GPR137B: variants seen among roughly 807,000 people sequenced by gnomAD.
GPR137B encodes G protein-coupled receptor 137B.
Under a neutral mutation model 42.5 loss-of-function variants are expected in GPR137B, and 42 were observed. That is an observed-to-expected ratio of 0.99 (90% CI 0.77 to 1.28). GPR137B has a LOEUF of 1.28. GPR137B is among the 50% of genes most tolerant of loss of function. The pLI, the probability that GPR137B is intolerant of heterozygous loss-of-function variation, is 0.00. For missense variants in GPR137B, 487 were observed against 493.9 expected, an observed-to-expected ratio of 0.99 and a Z score of 0.13; for synonymous variants, 218 against 209.7, an observed-to-expected ratio of 1.04 and a Z score of -0.34.
chr1:236,156,154 C>T lies in GPR137B; in HGVS notation c.415-12552C>T, dbSNP rs897871221. On this transcript the variant is annotated intron_variant, in intron 1 of 6. Transcript: ENST00000366592. The surrounding 1 kb of genome is among the most constrained non-coding windows in gnomAD (Gnocchi z 4.8). ...AGCAATTATGGTTGGCTTCTGATCA[C>T]GTGGGAAGAAGCTCACTGAAGTCTG... Among the ~76,000 whole-genome samples the T allele has an allele frequency of 2.0e-5, 3 of 152,170 alleles. No individual in the cohort carries two copies. Among genetic ancestry groups the T allele is most frequent in the Non-Finnish European group, 4.4e-5 (3 of 68,030 alleles).
chr1:236,157,444 T>C (rs985655657), intron 1 of GPR137B, among the ~76,000 whole-genome samples: 2 of 152,224 alleles, frequency 1.3e-5, no homozygotes, highest in African/African-American at 2.4e-5. Flanking sequence ...AGGATGGTCT[T>C]GATCTCCTGA....
chr1:236,185,132 A>G (rs1662987527), intron 5 of GPR137B, among the ~76,000 whole-genome samples: 1 of 152,192 alleles, frequency 6.6e-6, no homozygotes, highest in African/African-American at 2.4e-5. Context: ...TTTTGAGAAG[A>G]AATTATATTC....
chr1:236,191,535 A>T (rs980909801), intron 5 of GPR137B, among the ~76,000 whole-genome samples: 3 of 152,012 alleles, frequency 2.0e-5, no homozygotes, highest in African/African-American at 7.2e-5. Flanking sequence ...CTGAGTGGAC[A>T]TGCTCTTCCT....
Position 236,179,992 on chromosome 1 carries a change from T to C in GPR137B, c.801T>C (p.His267=). The C allele has an allele frequency of 6.2e-7, 1 of 1,613,812 alleles. No individual in the cohort carries two copies. Among genetic ancestry groups the C allele is most frequent in the Non-Finnish European group, 8.5e-7 (1 of 1,179,744 alleles). Reference sequence around the variant, plus strand: ...CATTTTCTCAGAACAAGAGCGTCCATTCCTTTGATTATGACTGGTACAATG... The same window carrying C: ...CATTTTCTCAGAACAAGAGCGTCCACTCCTTTGATTATGACTGGTACAATG... ...ILSFSQNKSV[H]SFDYDWYNVS... is the part of the protein sequence containing the mutation. Residue 267 remains histidine, a synonymous_variant, in exon 4 of 7, where the codon CAT becomes CAC. Coordinates refer to ENST00000366592, the MANE Select transcript of GPR137B (RefSeq NM_003272.4).
In GPR137B at chr1:236,208,688, T is replaced by C; in HGVS notation, c.*530T>C. ...AACTTAGCCAATTGCAACTCCAGTG[T>C]TGATAATTAAAATGAAATGGTAAAG... On this transcript the variant is annotated 3_prime_UTR_variant, in exon 7 of 7. Transcript: ENST00000366592. 1.0e-6 allele frequency: 1 copy of C among 985,480 alleles called. No homozygotes were observed. Among genetic ancestry groups the C allele is most frequent in the Non-Finnish European group, 1.2e-6 (1 of 829,638 alleles). The allele number at this position is 985,480 out of a possible 1,614,324, so 61.0% of individuals were successfully genotyped here. A position where few individuals can be genotyped will look rare whatever the true frequency, so the allele number is the denominator to read the frequency against.
At chr1:236,149,003 CGT>C (rs1304974957) in intron 1 of GPR137B, among the ~76,000 whole-genome samples, 1 of 152,056 alleles carries the variant, frequency 6.6e-6, no homozygotes, top group African/African-American at 2.4e-5. Flanking sequence ...AAGGAGATGC[CGT>C]GTGTCCTGAA....
intron 5 of GPR137B, among the ~76,000 whole-genome samples, chr1:236,186,954 A>C (rs892668962): frequency 2.0e-5 from 3 of 152,188 alleles, no homozygotes; most frequent in Non-Finnish European, 4.4e-5. Flanking sequence ...GAACTAATTT[A>C]CACTACCACC....
At chr1:236,176,761 C>T (rs904204886) in intron 2 of GPR137B, among the ~76,000 whole-genome samples, 1 of 152,116 alleles carries the variant, frequency 6.6e-6, no homozygotes, top group African/African-American at 2.4e-5. Flanking sequence ...TCCCTCCCTC[C>T]CTCTTAAACC....
In GPR137B at chr1:236,150,205, G is replaced by A. The variant is rs1244201626; in HGVS notation, c.414+7169G>A. On this transcript the variant is annotated intron_variant, in intron 1 of 6. Coordinates refer to ENST00000366592, the MANE Select transcript of GPR137B (RefSeq NM_003272.4). The surrounding 1 kb of genome is among the most constrained non-coding windows in gnomAD (Gnocchi z 6.2). ...TTTGTGTGTGTCTGTGTGCCTGTGT[G>A]TGTGTCTGTGCCTGTGTGTGCCTGT... 2.7e-5 allele frequency among the ~76,000 whole-genome samples: 4 copies of A among 150,348 alleles called. No homozygotes were observed. Among genetic ancestry groups the A allele is most frequent in the African/African-American group, 9.8e-5 (4 of 40,706 alleles).
At chr1:236,189,204 C>T (rs901283748) in intron 5 of GPR137B, among the ~76,000 whole-genome samples, 4 of 151,986 alleles carry the variant, frequency 2.6e-5, no homozygotes, top group South Asian at 2.1e-4. Flanking sequence ...TTTGATTCTT[C>T]TCTCTTTTCT....
Position 236,155,561 on chromosome 1 carries a change from C to A in GPR137B, c.414+12525C>A, listed in dbSNP as rs75690013. ...TGCTCTCTAGAGTCCCGTCTCCTCG[C>A]GGGCTGCCTGCTGGGCTGACTTATC... On this transcript the variant is annotated intron_variant, in intron 1 of 6. Transcript: ENST00000366592. This position sits in a 1 kb window ranked among gnomAD's most constrained non-coding sequence, Gnocchi z 4.6. Among the ~76,000 whole-genome samples the A allele has an allele frequency of 6.6e-6, 1 of 152,032 alleles. No homozygotes were observed. The highest frequency in any genetic ancestry group is 1.5e-5 in the Non-Finnish European group (1 of 67,982).
chr1:236,180,232 C>T (rs1164712034), intron 4 of GPR137B: 1 of 539,092 alleles, frequency 1.9e-6, no homozygotes, highest in East Asian at 3.1e-5. Flanking sequence ...AAATACAACA[C>T]AAATGCTATG....
chr1:236,142,735 C>T lies in GPR137B; in HGVS notation c.113C>T (p.Pro38Leu). 1.9e-6 allele frequency: 3 copies of T among 1,610,928 alleles called. No homozygotes were observed. Among genetic ancestry groups the T allele is most frequent in the South Asian group, 1.1e-5 (1 of 91,022 alleles). The change falls in exon 1 of 7, where the codon CCC becomes CTC. Residue 38 changes from proline to leucine, a missense_variant. By Grantham distance (98) the Pro-to-Leu change is moderately conservative. Coordinates refer to ENST00000366592, the MANE Select transcript of GPR137B (RefSeq NM_003272.4). ...SLPPTLTPAV[P>L]PYVKLGLTVV... ...CCGCCCACGCTGACCCCGGCCGTGC[C>T]CCCCTACGTGAAGCTTGGCCTCACC...
At chr1:236,197,968 G>A (rs776554806) in intron 5 of GPR137B, among the ~76,000 whole-genome samples, 4 of 152,054 alleles carry the variant, frequency 2.6e-5, no homozygotes, top group Admixed American at 6.5e-5. Context: ...TGATCCACCC[G>A]CCTCGGCCTC....
chr1:236,188,141 A>G (rs571473717), intron 5 of GPR137B, among the ~76,000 whole-genome samples: 1 of 152,188 alleles, frequency 6.6e-6, no homozygotes, highest in East Asian at 1.9e-4. Context: ...ATTGGTGTAT[A>G]GGAATGCTTG....
intron 1 of GPR137B, among the ~76,000 whole-genome samples, chr1:236,151,132 GGTCT>G (rs1310719256): frequency 6.6e-6 from 1 of 152,210 alleles, no homozygotes; most frequent in East Asian, 1.9e-4. Flanking sequence ...CTGGTTGGAA[GGTCT>G]GTCTGGGTCC....
chr1:236,152,307 A>T (rs1463181379), intron 1 of GPR137B, among the ~76,000 whole-genome samples: 1 of 151,986 alleles, frequency 6.6e-6, no homozygotes, highest in African/African-American at 2.4e-5. Flanking sequence ...ACAAAAAATT[A>T]AAAAATTAGC....
intron 2 of GPR137B, among the ~76,000 whole-genome samples, chr1:236,170,920 G>T (rs946828994): frequency 8.6e-5 from 13 of 150,810 alleles, no homozygotes; most frequent in African/African-American, 2.7e-4. Flanking sequence ...AGATTGCAGT[G>T]TGTGGAGATC....
intron 1 of GPR137B, among the ~76,000 whole-genome samples, chr1:236,160,186 C>T (rs1048039391): frequency 1.3e-5 from 2 of 152,214 alleles, no homozygotes; most frequent in Admixed American, 1.3e-4. Context: ...CTTTCTCCTT[C>T]AGGCCTGATT....
Sources: gnomAD v4.1 joint callset for allele counts (sites outside exome capture counted in the v4.1 genomes callset) on GRCh38, gnomAD v4.1.1 for gene constraint, Gnocchi (gnomAD v3.1) non-coding constraint, MANE v1.5 for transcripts, NCBI Gene and HGNC (gene_info 2026-07-23, HGNC 2026-07-21) for gene names.